Variants in TRAF3 observed in about 807,000 individuals in gnomAD.
TRAF3 encodes the protein TNF receptor associated factor 3.
In TRAF3, 13 loss-of-function variants were observed where a neutral mutation model predicts 62.3. That is an observed-to-expected ratio of 0.21 (90% CI 0.14 to 0.33). TRAF3 has a LOEUF of 0.33. Among genes scored for constraint, TRAF3 ranks in the 10% least tolerant of loss-of-function variants. The pLI is 1.00. For missense variants in TRAF3, 440 were observed against 741.8 expected (o/e 0.59, Z 4.73); for synonymous variants, 269 against 283.4 (o/e 0.95, Z 0.51).
chr14:102,845,369 A>AT (rs937640443), intron 2 of TRAF3, among the ~76,000 whole-genome samples: 1 of 150,990 alleles, frequency 6.6e-6, no homozygotes, highest in Non-Finnish European at 1.5e-5. Flanking sequence ...GCTCTGGCTA[A>AT]TTTTTTTATT....
At chr14:102,848,343 C>G (rs1886841018) in intron 2 of TRAF3, among the ~76,000 whole-genome samples, 1 of 152,192 alleles carries the variant, frequency 6.6e-6, no homozygotes. Context: ...GCAGGCGGAT[C>G]ACTTGAGCCC....
rs775500221 is a variant in TRAF3 at position 102,903,327 on chromosome 14, G to A, written c.1033G>A (p.Glu345Lys). The A allele has an allele frequency of 6.2e-7, 1 of 1,614,220 alleles. No individual in the cohort carries two copies. The highest frequency in any genetic ancestry group is 1.3e-5 in the African/African-American group (1 of 75,058). Reference protein sequence around the residue: ...KEIRPFRQNWEEADSMKSSVE... With the variant: ...KEIRPFRQNWKEADSMKSSVE... ...GATCCGGCCCTTCCGGCAGAACTGG[G>A]AGGAAGCAGACAGCATGAAGAGCAG... is the stretch of plus-strand genomic sequence containing the variant. The change falls in exon 11 of 12, where the codon GAG becomes AAG. Residue 345 changes from glutamate to lysine, a missense_variant. This residue lies in a region of TRAF3 where 255 missense variants were observed against 424.1 expected (regional missense o/e 0.60). Coordinates refer to ENST00000392745, the MANE Select transcript of TRAF3 (RefSeq NM_145725.3). The surrounding 1 kb of genome is among the most constrained non-coding windows in gnomAD (Gnocchi z 6.4).
intron 1 of TRAF3, among the ~76,000 whole-genome samples, chr14:102,815,246 A>G (rs1035366267): frequency 6.6e-5 from 10 of 152,170 alleles, no homozygotes; most frequent in Admixed American, 3.3e-4. Flanking sequence ...GCTTGGAGTC[A>G]TTTCTAAGAA....
At chr14:102,868,048 T>G (rs1156584960) in intron 2 of TRAF3, among the ~76,000 whole-genome samples, 1 of 152,170 alleles carries the variant, frequency 6.6e-6, no homozygotes, top group African/African-American at 2.4e-5. Context: ...AAGCAAGGGC[T>G]CCGCCCGCCC....
chr14:102,835,053 C>A (rs186847108), intron 2 of TRAF3, among the ~76,000 whole-genome samples: 1 of 151,938 alleles, frequency 6.6e-6, no homozygotes, highest in African/African-American at 2.4e-5. Flanking sequence ...AACTTAAGAA[C>A]TACAAGAAAA....
chr14:102,898,469 G>A (rs1393429133), intron 10 of TRAF3, among the ~76,000 whole-genome samples: 3 of 152,218 alleles, frequency 2.0e-5, no homozygotes, highest in African/African-American at 4.8e-5. Flanking sequence ...AAGGCGACTG[G>A]TCAGGCCACT....
chr14:102,837,227 C>A (rs1018972216), intron 2 of TRAF3, among the ~76,000 whole-genome samples: 3 of 151,826 alleles, frequency 2.0e-5, no homozygotes, highest in Non-Finnish European at 4.4e-5. Context: ...TAGCCTCAAC[C>A]TCCTGGACTT....
chr14:102,817,828 T>TA (rs995569085), intron 1 of TRAF3, among the ~76,000 whole-genome samples: 2 of 152,242 alleles, frequency 1.3e-5, no homozygotes, highest in African/African-American at 4.8e-5. Flanking sequence ...AGTCTATTGT[T>TA]ACGTTGTTAA....
intron 1 of TRAF3, among the ~76,000 whole-genome samples, chr14:102,791,075 A>G (rs1465916476): frequency 1.4e-5 from 2 of 140,468 alleles, no homozygotes; most frequent in African/African-American, 2.7e-5. Context: ...GCTGGAGTGT[A>G]GTGGCACAGT....
chr14:102,857,988 A>G (rs1385501941), intron 2 of TRAF3, among the ~76,000 whole-genome samples: 1 of 152,222 alleles, frequency 6.6e-6, no homozygotes, highest in Non-Finnish European at 1.5e-5. Flanking sequence ...GTAGCTCAAA[A>G]GTTTTCTTGG....
rs1336885099 is a variant in TRAF3 at position 102,905,994 on chromosome 14, T to C, written c.*210T>C. 1 of 487,534 alleles carries C rather than the reference T, an allele frequency of 2.1e-6. No individual in the cohort carries two copies. Among genetic ancestry groups the C allele is most frequent in the Non-Finnish European group, 3.6e-6 (1 of 277,396 alleles). The allele number at this position is 487,534 out of a possible 1,614,324, so 30.2% of individuals were successfully genotyped here. On this transcript the variant is annotated 3_prime_UTR_variant, in exon 12 of 12. Transcript: ENST00000392745. ...AGCCACACTTCACTCTGAAGAATTA[T>C]TTATCCTTCAACAAGATAAATATTG...
intron 1 of TRAF3, among the ~76,000 whole-genome samples, chr14:102,806,071 A>G (rs1344418420): frequency 6.7e-6 from 1 of 149,538 alleles, no homozygotes; most frequent in Non-Finnish European, 1.5e-5. Context: ...GTGTCTGGAA[A>G]CCTTCAGAAG....
intron 8 of TRAF3, among the ~76,000 whole-genome samples, chr14:102,889,911 A>G (rs1017157799): frequency 6.6e-6 from 1 of 152,258 alleles, no homozygotes; most frequent in African/African-American, 2.4e-5. Flanking sequence ...TGCAACAGGT[A>G]GACTTGACAT....
At chr14:102,804,822 T>C (rs573854859) in intron 1 of TRAF3, among the ~76,000 whole-genome samples, 90 of 152,222 alleles carry the variant, frequency 5.9e-4, no homozygotes, top group African/African-American at 2.1e-3. Context: ...GTCCTTTTTT[T>C]CTAAAATTCA....
At chr14:102,794,477 C>T (rs1897964568) in intron 1 of TRAF3, among the ~76,000 whole-genome samples, 1 of 152,212 alleles carries the variant, frequency 6.6e-6, no homozygotes, top group South Asian at 2.1e-4. Context: ...GCTACTGTGC[C>T]CAGTCTGGAG....
intron 1 of TRAF3, among the ~76,000 whole-genome samples, chr14:102,801,721 TA>T (rs1469203620): frequency 3.9e-5 from 6 of 152,048 alleles, no homozygotes; most frequent in Admixed American, 1.3e-4. Context: ...AATTTTTAAT[TA>T]AAAAAATTTT....
At chr14:102,874,948 C>T (rs1048544452) in intron 4 of TRAF3, among the ~76,000 whole-genome samples, 2 of 152,230 alleles carry the variant, frequency 1.3e-5, no homozygotes, top group Middle Eastern at 3.2e-3. Flanking sequence ...TCAGCTACCA[C>T]GCCCAGCCTC....
At chr14:102,849,431 C>T (rs1159083299) in intron 2 of TRAF3, among the ~76,000 whole-genome samples, 2 of 152,254 alleles carry the variant, frequency 1.3e-5, no homozygotes, top group Non-Finnish European at 2.9e-5. Context: ...GGCACAGTGT[C>T]TTTGCATATA....
intron 1 of TRAF3, among the ~76,000 whole-genome samples, chr14:102,811,550 GTTT>G (rs35064640): frequency 5.5e-4 from 44 of 79,512 alleles, no homozygotes; most frequent in African/African-American, 6.6e-4. Flanking sequence ...GCTGTAGGCG[GTTT>G]TTTTTTTTTT....
Sources: gnomAD v4.1 joint callset for allele counts (sites outside exome capture counted in the v4.1 genomes callset) on GRCh38, gnomAD v4.1.1 for gene constraint, gnomAD v4.1.1 regional missense constraint, Gnocchi (gnomAD v3.1) non-coding constraint, MANE v1.5 for transcripts, NCBI Gene and HGNC (gene_info 2026-07-23, HGNC 2026-07-21) for gene names.